Variants in CHD9 observed in about 807,000 individuals in gnomAD.
CHD9 encodes the protein chromodomain helicase DNA binding protein 9.
CHD9 carries 77 observed loss-of-function variants against 316.1 expected under a neutral mutation model. That is an observed-to-expected ratio of 0.24 (90% CI 0.20 to 0.29). The LOEUF (loss-of-function observed/expected upper bound fraction) is 0.29. CHD9 is among the 10% of genes least tolerant of loss of function. The pLI, the probability that CHD9 is intolerant of heterozygous loss-of-function variation, is 1.00. For missense variants in CHD9, 2,763 were observed against 3,438.1 expected (o/e 0.80, Z 4.91); for synonymous variants, 1,129 against 1,158.3 (o/e 0.97, Z 0.51).
At chr16:53,065,248 G>A (rs1358635017) in intron 1 of CHD9, among the ~76,000 whole-genome samples, 1 of 152,118 alleles carries the variant, frequency 6.6e-6, no homozygotes, top group Non-Finnish European at 1.5e-5. Flanking sequence ...TAGTATAATT[G>A]CCCCTTCCTG....
intron 1 of CHD9, among the ~76,000 whole-genome samples, chr16:53,064,701 C>T (rs1296800881): frequency 6.6e-6 from 1 of 152,128 alleles, no homozygotes; most frequent in Non-Finnish European, 1.5e-5. Flanking sequence ...AGGCTGGGCA[C>T]AGTGGCTCAT....
chr16:53,235,410 T>G lies in CHD9; in HGVS notation c.2633+104T>G, dbSNP rs2048536933. 3.8e-6 allele frequency: 3 copies of G among 795,482 alleles called. No homozygotes were observed. The East Asian group carries it at 8.9e-5, about 23-fold the overall frequency. 49.3% of individuals were successfully genotyped at this position (795,482 alleles called of 1,614,324 possible). On this transcript the variant is annotated intron_variant, in intron 11 of 38. Coordinates refer to ENST00000447540, the MANE Select transcript of CHD9 (RefSeq NM_001308319.2). ...TTGCTATATTGTTATTGTTTTGAAG[T>G]CTTCATTATTTAAAGTGAGGTTACC...
chr16:53,214,073 A>G (rs1443273127), intron 3 of CHD9, among the ~76,000 whole-genome samples: 1 of 152,214 alleles, frequency 6.6e-6, no homozygotes, highest in Admixed American at 6.5e-5. Flanking sequence ...ACATTAATTT[A>G]GATCTCAAAA....
At chr16:53,254,395 C>T in intron 17 of CHD9, 43 bp from the exon 18 acceptor site, 2 of 1,445,796 alleles carry the variant, frequency 1.4e-6, no homozygotes, top group East Asian at 2.3e-5. Flanking sequence ...TATTAAATGC[C>T]TTTTGAGAAA....
intron 23 of CHD9, 139 bp from the exon 24 acceptor site, chr16:53,274,074 A>G: frequency 1.5e-6 from 1 of 666,730 alleles, no homozygotes. Context: ...TATGGTAGTA[A>G]TAAGATTCAT....
At chr16:53,308,939 T>C in intron 34 of CHD9, 85 bp downstream of exon 34, 1 of 1,106,250 alleles carries the variant, frequency 9.0e-7, no homozygotes, top group African/African-American at 1.6e-5. Flanking sequence ...GTAATAAAAA[T>C]TTATTTTTCC....
chr16:53,176,922 A>G (rs964635904), intron 2 of CHD9, among the ~76,000 whole-genome samples: 2 of 152,150 alleles, frequency 1.3e-5, no homozygotes, highest in Admixed American at 6.5e-5. Context: ...CAACAATCCA[A>G]TGATGTTAGT....
intron 24 of CHD9, among the ~76,000 whole-genome samples, chr16:53,274,655 A>G (rs1460814460): frequency 6.6e-6 from 1 of 151,970 alleles, no homozygotes; most frequent in Non-Finnish European, 1.5e-5. Context: ...ACGGGGTTTC[A>G]CCATCTTGGC....
At chr16:53,058,098 A>G (rs748465978) in intron 1 of CHD9, among the ~76,000 whole-genome samples, 3 of 152,126 alleles carry the variant, frequency 2.0e-5, no homozygotes, top group Admixed American at 1.3e-4. Context: ...TCAACAATAT[A>G]TATCAAATAA....
At chr16:53,064,537 A>C (rs1433568398) in intron 1 of CHD9, among the ~76,000 whole-genome samples, 2 of 152,166 alleles carry the variant, frequency 1.3e-5, no homozygotes, top group Non-Finnish European at 2.9e-5. Context: ...CCAGCAGTAC[A>C]GTGGGCTGGA....
intron 24 of CHD9, among the ~76,000 whole-genome samples, chr16:53,280,919 T>A (rs564158862): frequency 3.2e-4 from 49 of 152,286 alleles, no homozygotes; most frequent in African/African-American, 4.8e-4. Context: ...TCGTCCTCCA[T>A]AAGATGCTGT....
At chr16:53,218,148 C>A (rs750169352) in intron 3 of CHD9, among the ~76,000 whole-genome samples, 24 of 152,038 alleles carry the variant, frequency 1.6e-4, no homozygotes, top group Non-Finnish European at 2.8e-4. Context: ...TAGGGAAATA[C>A]TATATATCTG....
intron 2 of CHD9, among the ~76,000 whole-genome samples, chr16:53,190,098 C>G (rs1488342989): frequency 2.6e-5 from 4 of 152,040 alleles, no homozygotes; most frequent in Non-Finnish European, 5.9e-5. Flanking sequence ...ACATTGGTCC[C>G]CAAATTATTC....
intron 1 of CHD9, among the ~76,000 whole-genome samples, chr16:53,149,467 C>A (rs547762421): frequency 6.6e-6 from 1 of 151,924 alleles, no homozygotes; most frequent in African/African-American, 2.4e-5. Flanking sequence ...TAGGTGCATA[C>A]ATGTTTATAA....
chr16:53,288,104 T>C, intron 27 of CHD9, 90 bp downstream of exon 27: 1 of 946,596 alleles, frequency 1.1e-6, no homozygotes, highest in South Asian at 1.4e-5. Context: ...TATTTTGTTT[T>C]CATTATACAT....
chr16:53,222,392 T>C (rs2047322658), intron 3 of CHD9, among the ~76,000 whole-genome samples: 1 of 152,162 alleles, frequency 6.6e-6, no homozygotes, highest in South Asian at 2.1e-4. Flanking sequence ...CCTTTCTGTG[T>C]TTAGAAGTAC....
intron 1 of CHD9, among the ~76,000 whole-genome samples, chr16:53,112,387 A>G (rs2152620350): frequency 6.6e-6 from 1 of 152,296 alleles, no homozygotes; most frequent in East Asian, 1.9e-4. Flanking sequence ...TGGGTTTTTC[A>G]ATGTTATTCC....
At chr16:53,222,023 C>T (rs2047282256) in intron 3 of CHD9, among the ~76,000 whole-genome samples, 1 of 145,388 alleles carries the variant, frequency 6.9e-6, no homozygotes, top group Admixed American at 6.9e-5. Flanking sequence ...ACTTGATTGC[C>T]TTTTTTTTTT....
intron 1 of CHD9, among the ~76,000 whole-genome samples, chr16:53,095,015 T>A (rs1349294189): frequency 6.6e-6 from 1 of 152,184 alleles, no homozygotes; most frequent in Non-Finnish European, 1.5e-5. Flanking sequence ...TCATCTTCAG[T>A]TGGACCTTGT....
Sources: gnomAD v4.1 joint callset for allele counts (sites outside exome capture counted in the v4.1 genomes callset) on GRCh38, gnomAD v4.1.1 for gene constraint, MANE v1.5 for transcripts, NCBI Gene and HGNC (gene_info 2026-07-23, HGNC 2026-07-21) for gene names.